The following EDA variants were observed in gnomAD, a reference collection of about 807,000 sequenced individuals.
EDA encodes the protein ectodysplasin A.
In EDA, 2 loss-of-function variants were observed where a neutral mutation model predicts 23.6. The observed-to-expected ratio is 0.08, with a 90% confidence interval of 0.03 to 0.27. EDA has a LOEUF of 0.27. Among genes scored for constraint, EDA ranks in the 10% least tolerant of loss-of-function variants. EDA has a pLI of 1.00. For synonymous variants in EDA, 131 were observed against 132.0 expected, an observed-to-expected ratio of 0.99 and a Z score of 0.05; for missense variants, 229 against 324.2, an observed-to-expected ratio of 0.71 and a Z score of 2.26.
At chrX:69,761,733 A>G (rs1287682565) in intron 1 of EDA, among the ~76,000 whole-genome samples, 1 of 111,997 alleles carries the variant, frequency 8.9e-6, no homozygotes, top group Non-Finnish European at 1.9e-5. Context: ...TCCCCAGACT[A>G]CTATGCTTTT....
Position 69,764,234 on chromosome X carries a change from C to CTTTTTT in EDA, c.396+147551_396+147556dup, listed in dbSNP as rs1189179243. ...CTACCACTCCCATTCATTTTTTATT[C>CTTTTTT]TTTTTTTTTTTTTTTTTTTTTTTTT... On this transcript the variant is annotated intron_variant, in intron 1 of 7. Coordinates refer to ENST00000374552, the MANE Select transcript of EDA (RefSeq NM_001399.5). Among the ~76,000 whole-genome samples the CTTTTTT allele has an allele frequency of 9.0e-4, 40 of 44,542 alleles. 3 individuals carry two copies. The highest frequency in any genetic ancestry group is 1.2e-3 in the Admixed American group (3 of 2,545). 38.7% of individuals were successfully genotyped at this position (44,542 alleles called of 115,157 possible). A position where few individuals can be genotyped will look rare whatever the true frequency, so the allele number is the denominator to read the frequency against.
chrX:69,673,102 C>CATCATT (rs1191900053), intron 1 of EDA, among the ~76,000 whole-genome samples: 3 of 111,249 alleles, frequency 2.7e-5, no homozygotes, highest in Non-Finnish European at 5.6e-5. Flanking sequence ...AGTACAAAAA[C>CATCATT]ATCATTATCA....
intron 1 of EDA, among the ~76,000 whole-genome samples, chrX:69,623,990 T>TA (rs930683212): frequency 5.5e-5 from 6 of 109,747 alleles, no homozygotes; most frequent in East Asian, 2.8e-4. Flanking sequence ...TTTGGGGGTT[T>TA]AAAAAAAAAG....
At chrX:69,925,375 T>C (rs1323230091) in intron 1 of EDA, among the ~76,000 whole-genome samples, 2 of 112,238 alleles carry the variant, frequency 1.8e-5, no homozygotes, top group African/African-American at 6.5e-5. Flanking sequence ...TGTTGAATTT[T>C]ATCAAAGGCC....
intron 1 of EDA, among the ~76,000 whole-genome samples, chrX:69,629,082 A>G (rs1455313204): frequency 8.9e-6 from 1 of 111,963 alleles, no homozygotes; most frequent in Non-Finnish European, 1.9e-5. Context: ...CCCGTAGAAT[A>G]AAGTTCAGAC....
intron 1 of EDA, among the ~76,000 whole-genome samples, chrX:69,733,631 C>T (rs1248406972): frequency 9.0e-6 from 1 of 111,526 alleles, no homozygotes; most frequent in Non-Finnish European, 1.9e-5. Flanking sequence ...TTTTCCAATT[C>T]TGTGAAGAAA....
chrX:69,864,052 G>GCT (rs939902873), intron 1 of EDA, among the ~76,000 whole-genome samples: 14 of 108,534 alleles, frequency 1.3e-4, no homozygotes, highest in African/African-American at 3.3e-5. Flanking sequence ...TAACTTAATT[G>GCT]CTCTCTCTCT....
intron 2 of EDA, among the ~76,000 whole-genome samples, chrX:69,962,463 G>A (rs1462105471): frequency 4.5e-5 from 5 of 112,075 alleles, no homozygotes; most frequent in African/African-American, 1.3e-4. Context: ...AGGGAATCTC[G>A]CTCTGTCACG....
chrX:69,892,429 G>C (rs2147633220), intron 1 of EDA, among the ~76,000 whole-genome samples: 1 of 111,307 alleles, frequency 9.0e-6, no homozygotes, highest in Admixed American at 9.6e-5. Context: ...AGAAGTGTCT[G>C]CCATGGCTTT....
intron 1 of EDA, among the ~76,000 whole-genome samples, chrX:69,919,206 G>A (rs2018391411): frequency 8.9e-6 from 1 of 112,281 alleles, no homozygotes; most frequent in Non-Finnish European, 1.9e-5. Flanking sequence ...ATTTAACTAA[G>A]TGATGACTAA....
intron 2 of EDA, among the ~76,000 whole-genome samples, chrX:69,983,604 G>C (rs2019448542): frequency 7.0e-5 from 3 of 42,911 alleles, no homozygotes; most frequent in South Asian, 2.7e-3. Flanking sequence ...CTTCTGGCTT[G>C]TAGGGTTTCT....
At chrX:69,734,420 C>T (rs891423975) in intron 1 of EDA, among the ~76,000 whole-genome samples, 14 of 111,405 alleles carry the variant, frequency 1.3e-4, no homozygotes, top group African/African-American at 4.2e-4. Context: ...AAAACAGAAA[C>T]AAACATTTTT....
chrX:69,828,770 C>T (rs1300656376), intron 1 of EDA, among the ~76,000 whole-genome samples: 4 of 112,547 alleles, frequency 3.6e-5, no homozygotes, highest in African/African-American at 1.3e-4. Flanking sequence ...GAATAGTAGT[C>T]AGGTTTCCTG....
chrX:69,822,804 G>C (rs767720542), intron 1 of EDA, among the ~76,000 whole-genome samples: 1 of 105,835 alleles, frequency 9.4e-6, no homozygotes, highest in African/African-American at 3.5e-5. Flanking sequence ...CCACTAACTC[G>C]TCATCCAGCA....
chrX:69,869,490 G>A (rs2017533623), intron 1 of EDA, among the ~76,000 whole-genome samples: 1 of 111,389 alleles, frequency 9.0e-6, no homozygotes, highest in African/African-American at 3.3e-5. Context: ...ATATAGTGGG[G>A]TCCTTCCTCA....
chrX:69,971,682 C>T (rs888056201), intron 2 of EDA, among the ~76,000 whole-genome samples: 1 of 111,194 alleles, frequency 9.0e-6, no homozygotes, highest in African/African-American at 3.3e-5. Context: ...CATTCTTCCA[C>T]GTGCATGCTT....
chrX:69,640,273 T>G, intron 1 of EDA, among the ~76,000 whole-genome samples: 1 of 111,997 alleles, frequency 8.9e-6, no homozygotes, highest in Non-Finnish European at 1.9e-5. Flanking sequence ...TGATTACAAA[T>G]AATAATATTT....
At chrX:69,878,084 CT>C (rs906585896) in intron 1 of EDA, among the ~76,000 whole-genome samples, 132 of 110,592 alleles carry the variant, frequency 1.2e-3, no homozygotes, top group African/African-American at 4.2e-3. Flanking sequence ...TTTTCTTTTT[CT>C]TTTTTTTTGA....
rs1485022194 is a variant in EDA at position 69,644,314 on chromosome X, T to G, written c.396+27610T>G. ...TGGTCTGTAGTTCTTCTTGAAGAGG[T>G]CCCTCACTTCCCTTGTTAGCTGTAT... On this transcript the variant is annotated intron_variant, in intron 1 of 7. Transcript: ENST00000374552. Among the ~76,000 whole-genome samples the G allele has an allele frequency of 1.8e-5, 2 of 110,700 alleles. 1 individual carries two copies. The highest frequency in any genetic ancestry group is 6.6e-5 in the African/African-American group (2 of 30,494).
Sources: gnomAD v4.1 joint callset for allele counts (sites outside exome capture counted in the v4.1 genomes callset) on GRCh38, gnomAD v4.1.1 for gene constraint, MANE v1.5 for transcripts, NCBI Gene and HGNC (gene_info 2026-07-23, HGNC 2026-07-21) for gene names.